The following KIAA1549 variants were observed in gnomAD, a reference collection of about 807,000 sequenced individuals.
KIAA1549 encodes UPF0606 protein KIAA1549.
A neutral mutation model predicts 156.4 loss-of-function variants in KIAA1549; 70 were observed. The ratio of observed to expected loss-of-function variants is 0.45; its 90% CI spans 0.37 to 0.55. The LOEUF (loss-of-function observed/expected upper bound fraction) is 0.55, where lower values mean the gene tolerates loss of function less well. KIAA1549 is among the 20% of genes least tolerant of loss of function. The pLI, the probability that KIAA1549 is intolerant of heterozygous loss-of-function variation, is 0.00. For missense variants in KIAA1549, 2,428 were observed against 2,540.9 expected, an observed-to-expected ratio of 0.96 and a Z score of 0.96; for synonymous variants, 1,103 against 1,066.4, an observed-to-expected ratio of 1.03 and a Z score of -0.67.
intron 16 of KIAA1549, among the ~76,000 whole-genome samples, chr7:138,857,548 T>C (rs1034364697): frequency 3.9e-5 from 6 of 152,242 alleles, no homozygotes; most frequent in East Asian, 1.9e-4. Flanking sequence ...TGTGCTATTT[T>C]ACATTCCCAC....
chr7:138,839,944 C>T (rs1259273496), intron 19 of KIAA1549, among the ~76,000 whole-genome samples, 189 bp downstream of exon 19: 3 of 151,660 alleles, frequency 2.0e-5, no homozygotes, highest in South Asian at 2.1e-4. Flanking sequence ...CCCGTCACCA[C>T]GCCTGGCTAA....
At chr7:138,956,800 T>C (rs1375142225) in intron 1 of KIAA1549, among the ~76,000 whole-genome samples, 1 of 152,216 alleles carries the variant, frequency 6.6e-6, no homozygotes, top group East Asian at 1.9e-4. Context: ...ATTCATATGA[T>C]CATTTACCTA....
At chr7:138,969,809 T>C (rs1483254775) in intron 1 of KIAA1549, among the ~76,000 whole-genome samples, 2 of 152,162 alleles carry the variant, frequency 1.3e-5, no homozygotes, top group Non-Finnish European at 2.9e-5. Context: ...GCCAGGCTTG[T>C]CTGGAACTCC....
intron 10 of KIAA1549, 58 bp from the exon 11 acceptor site, chr7:138,881,642 G>A: frequency 6.8e-7 from 1 of 1,468,638 alleles, no homozygotes; most frequent in Non-Finnish European, 9.3e-7. Context: ...GCTGATGAGA[G>A]GAGCACAACT....
Position 138,911,228 on chromosome 7 carries a change from C to T in KIAA1549, c.3063G>A (p.Lys1021=), listed in dbSNP as rs371481953. 3 of 1,601,202 alleles carry T rather than the reference C, an allele frequency of 1.9e-6. No homozygotes were observed. The African/African-American group carries it at 4.0e-5, about 21-fold the overall frequency. The part of the protein sequence containing the change: ...ISVINVLINS[K]LVRDQTPLIL... ...TTAAAGGAGTCTGGTCACGGACAAG[C>T]TTACTGTTTATAAGCACATTTATGA... The change falls in exon 4 of 20, where the codon AAG becomes AAA. Residue 1021 remains lysine, a synonymous_variant. Coordinates refer to ENST00000422774, the MANE Select transcript of KIAA1549 (RefSeq NM_001164665.2).
chr7:138,955,878 C>T (rs1240494222), intron 1 of KIAA1549, among the ~76,000 whole-genome samples: 1 of 152,120 alleles, frequency 6.6e-6, no homozygotes, highest in Non-Finnish European at 1.5e-5. Flanking sequence ...GGAACTGAGG[C>T]ACTGACGGTT....
At chr7:138,849,213 C>G (rs933003813) in intron 17 of KIAA1549, among the ~76,000 whole-genome samples, 1 of 151,784 alleles carries the variant, frequency 6.6e-6, no homozygotes, top group Non-Finnish European at 1.5e-5. Context: ...TTTATTGATC[C>G]TCTCTTAATG....
At position 138,951,337 on chromosome 7, in the gene KIAA1549, T is replaced by A. The variant is rs147520527; in HGVS notation, c.187+29746A>T. 3.8e-3 allele frequency among the ~76,000 whole-genome samples: 576 copies of A among 152,204 alleles called. 10 individuals are homozygous for A. The highest frequency in any genetic ancestry group is 0.013 in the African/African-American group (547 of 41,530). On this transcript the variant is annotated intron_variant, in intron 1 of 19. Coordinates refer to ENST00000422774, the MANE Select transcript of KIAA1549 (RefSeq NM_001164665.2). ...TCTTCGCCTCTCCCACTTCTTTAGATCTCTCTCACCTTCAAACATCAGTGG... is the reference window on the plus strand; with the variant it reads ...TCTTCGCCTCTCCCACTTCTTTAGAACTCTCTCACCTTCAAACATCAGTGG...
chr7:138,937,650 T>G (rs886476399), intron 1 of KIAA1549, among the ~76,000 whole-genome samples: 1 of 151,496 alleles, frequency 6.6e-6, no homozygotes, highest in Non-Finnish European at 1.5e-5. Flanking sequence ...GCAGAGGGGG[T>G]GGCGAGCACA....
At chr7:138,846,475 G>A (rs576366893) in intron 17 of KIAA1549, among the ~76,000 whole-genome samples, 4 of 149,322 alleles carry the variant, frequency 2.7e-5, no homozygotes, top group South Asian at 2.1e-4. Flanking sequence ...TGGAGGTTGC[G>A]GTGAGCGGAG....
At position 138,879,543 on chromosome 7, in the gene KIAA1549, T is replaced by C; in HGVS notation, c.4340A>G (p.Gln1447Arg). 2 of 1,554,726 alleles carry C rather than the reference T, an allele frequency of 1.3e-6. No homozygotes were observed. Among genetic ancestry groups the C allele is most frequent in the Non-Finnish European group, 8.7e-7 (1 of 1,147,048 alleles). The change falls in exon 12 of 20, where the codon CAG becomes CGG. Residue 1447 changes from glutamine (Q) to arginine (R), a missense_variant. By Grantham distance (43) the Gln-to-Arg change is conservative. This residue lies in a region of KIAA1549 where 404 missense variants were observed against 417.0 expected (regional missense o/e 0.97). Transcript: ENST00000422774. Reference sequence around the variant, plus strand: ...GAACCAGAAGAGTCACAGACCGCTCTGCGGAGCTCTGTGGGACCTGCCATC... The same window carrying C: ...GAACCAGAAGAGTCACAGACCGCTCCGCGGAGCTCTGTGGGACCTGCCATC... ...VNDGRSHRAP[Q>R]SGPPLPSSGN...
At chr7:138,922,610 A>T (rs1222407420) in intron 1 of KIAA1549, among the ~76,000 whole-genome samples, 1 of 152,050 alleles carries the variant, frequency 6.6e-6, no homozygotes, top group African/African-American at 2.4e-5. Context: ...AACATTTAGA[A>T]ATAAAAATTT....
chr7:138,916,563 G>T (rs1468069994), intron 2 of KIAA1549, among the ~76,000 whole-genome samples, 185 bp downstream of exon 2: 1 of 152,192 alleles, frequency 6.6e-6, no homozygotes, highest in East Asian at 1.9e-4. Flanking sequence ...GGCAGCAGAC[G>T]ATTAGAGAGG....
At chr7:138,945,592 A>G (rs1439901766) in intron 1 of KIAA1549, among the ~76,000 whole-genome samples, 1 of 152,212 alleles carries the variant, frequency 6.6e-6, no homozygotes. Context: ...CTCTGCACTC[A>G]TATTTCATCT....
chr7:138,940,730 C>T (rs1342250153), intron 1 of KIAA1549, among the ~76,000 whole-genome samples: 1 of 152,076 alleles, frequency 6.6e-6, no homozygotes, highest in African/African-American at 2.4e-5. Flanking sequence ...GATGGTATCT[C>T]ATTGTGGTTT....
chr7:138,899,113 A>G lies in KIAA1549; in HGVS notation c.3689T>C (p.Leu1230Pro). The part of the protein sequence containing the change: ...SVVQVVNVSR[L>P]EGDDNPVQLI... ...CTGTACCGGATTGTCATCTCCCTCCAGCCTCGACACATTTACCACCTGAAA... is the reference window on the plus strand; with the variant it reads ...CTGTACCGGATTGTCATCTCCCTCCGGCCTCGACACATTTACCACCTGAAA... The change falls in exon 9 of 20, where the codon CTG becomes CCG. Residue 1230 changes from leucine (L) to proline (P), a missense_variant. Transcript: ENST00000422774. 1 of 1,613,830 alleles carries G rather than the reference A, an allele frequency of 6.2e-7. No homozygotes were observed. The highest frequency in any genetic ancestry group is 2.2e-5 in the East Asian group (1 of 44,896).
At chr7:138,858,603 C>T (rs951201058) in intron 16 of KIAA1549, among the ~76,000 whole-genome samples, 2 of 152,026 alleles carry the variant, frequency 1.3e-5, no homozygotes, top group African/African-American at 4.8e-5. Flanking sequence ...GCTAATTTTG[C>T]CCCATTACTG....
At chr7:138,839,743 C>G (rs935173247) in intron 19 of KIAA1549, among the ~76,000 whole-genome samples, 2 of 151,102 alleles carry the variant, frequency 1.3e-5, no homozygotes, top group South Asian at 2.1e-4. Flanking sequence ...AGGGACCCCC[C>G]CCAAAGCAGA....
At chr7:138,900,188 G>A (rs1442966181) in intron 8 of KIAA1549, among the ~76,000 whole-genome samples, 2 of 152,108 alleles carry the variant, frequency 1.3e-5, no homozygotes, top group East Asian at 1.9e-4. Context: ...GGAAACTTCT[G>A]GCAGATCAGC....
Sources: gnomAD v4.1 joint callset for allele counts (sites outside exome capture counted in the v4.1 genomes callset) on GRCh38, gnomAD v4.1.1 for gene constraint, gnomAD v4.1.1 regional missense constraint, MANE v1.5 for transcripts, NCBI Gene and HGNC (gene_info 2026-07-23, HGNC 2026-07-21) for gene names.